PRKCA: variants seen among roughly 807,000 people sequenced by gnomAD.
The protein encoded by PRKCA is protein kinase C alpha, also known as protein kinase C alpha type.
PRKCA carries 27 observed loss-of-function variants against 87.0 expected under a neutral mutation model. The observed-to-expected ratio is 0.31, with a 90% CI of 0.23 to 0.43. The LOEUF (loss-of-function observed/expected upper bound fraction) is 0.43, where lower values mean the gene tolerates loss of function less well. Among genes scored for constraint, PRKCA ranks in the 20% least tolerant of loss-of-function variants. The pLI, the probability that PRKCA is intolerant of heterozygous loss-of-function variation, is 1.00. For missense variants in PRKCA, 518 were observed against 852.3 expected, an observed-to-expected ratio of 0.61 and a Z score of 4.88; for synonymous variants, 329 against 311.1, an observed-to-expected ratio of 1.06 and a Z score of -0.61.
At chr17:66,476,907 A>G (rs1253209712) in intron 2 of PRKCA, among the ~76,000 whole-genome samples, 1 of 152,218 alleles carries the variant, frequency 6.6e-6, no homozygotes, top group African/African-American at 2.4e-5. Flanking sequence ...TCTCAGAGCT[A>G]GGCTGAAGCT....
chr17:66,373,696 T>C (rs141185703), intron 2 of PRKCA, among the ~76,000 whole-genome samples: 3 of 152,328 alleles, frequency 2.0e-5, no homozygotes, highest in Admixed American at 2.0e-4. Flanking sequence ...GGGATTTACA[T>C]AGGGACAATC....
intron 8 of PRKCA, among the ~76,000 whole-genome samples, chr17:66,690,604 AG>A (rs1972752900): frequency 6.6e-6 from 1 of 152,130 alleles, no homozygotes; most frequent in African/African-American, 2.4e-5. Context: ...AGGATGAGGC[AG>A]GCAGATCACT....
intron 3 of PRKCA, among the ~76,000 whole-genome samples, chr17:66,497,606 TA>T (rs533819945): frequency 5.9e-5 from 9 of 152,112 alleles, no homozygotes; most frequent in Admixed American, 3.9e-4. Flanking sequence ...TTTAACTGAA[TA>T]AAAAAAATTG....
intron 3 of PRKCA, among the ~76,000 whole-genome samples, chr17:66,552,386 C>G (rs1185575526): frequency 6.6e-6 from 1 of 152,200 alleles, no homozygotes; most frequent in African/African-American, 2.4e-5. Context: ...CATTTATTTT[C>G]TCGCAGTTTC....
intron 8 of PRKCA, among the ~76,000 whole-genome samples, chr17:66,732,134 A>G (rs117951612): frequency 0.031 from 4,690 of 151,466 alleles, 96 homozygotes; most frequent in Non-Finnish European, 0.049. Context: ...AAAATCAAAA[A>G]AAAAAAAACA....
At chr17:66,512,792 G>A (rs557384808) in intron 3 of PRKCA, among the ~76,000 whole-genome samples, 12 of 152,098 alleles carry the variant, frequency 7.9e-5, no homozygotes, top group Admixed American at 7.2e-4. Flanking sequence ...TCCCAGGTTC[G>A]AGCAATTCTC....
chr17:66,777,049 T>G (rs1295304329), intron 14 of PRKCA: 4 of 196,694 alleles, frequency 2.0e-5, no homozygotes, highest in Non-Finnish European at 3.7e-5. Flanking sequence ...GTGTTTCCCT[T>G]TATTGGGAGA....
chr17:66,315,509 T>C lies in PRKCA; in HGVS notation c.205+9382T>C, dbSNP rs1296373882. On this transcript the variant is annotated intron_variant, in intron 2 of 16. Coordinates refer to ENST00000413366, the MANE Select transcript of PRKCA (RefSeq NM_002737.3). ...TTTTTTTTTTTTCTGAGACGGAGTCTTGCTGTGTTGCCCAGGCTGGAGTGC... is the reference window on the plus strand; with the variant it reads ...TTTTTTTTTTTTCTGAGACGGAGTCCTGCTGTGTTGCCCAGGCTGGAGTGC... Among the ~76,000 whole-genome samples, 3 of 151,598 alleles carry C rather than the reference T, an allele frequency of 2.0e-5. No individual in the cohort carries two copies. The East Asian group carries it at 5.8e-4, about 29-fold the overall frequency.
In PRKCA at chr17:66,804,926, C is replaced by G. The variant is rs568930861; in HGVS notation, c.*889C>G. 5.4e-6 allele frequency: 5 copies of G among 923,996 alleles called. No homozygotes were observed. In the South Asian group the frequency reaches 2.0e-4, roughly 37 times the overall value. The allele number at this position is 923,996 out of a possible 1,614,324, so 57.2% of individuals were successfully genotyped here. The stretch of plus-strand genomic sequence containing the variant: ...TCACCAACACCCACCCCCACACACA[C>G]CAACATTTTGCTGCCTACCTTGTTA... On this transcript the variant is annotated 3_prime_UTR_variant, in exon 17 of 17. Transcript: ENST00000413366.
At chr17:66,428,723 C>T (rs554582575) in intron 2 of PRKCA, among the ~76,000 whole-genome samples, 1 of 152,136 alleles carries the variant, frequency 6.6e-6, no homozygotes, top group East Asian at 1.9e-4. Flanking sequence ...AGGCTGGTCT[C>T]GAACTCCTGA....
At chr17:66,708,098 T>C (rs1973232805) in intron 8 of PRKCA, among the ~76,000 whole-genome samples, 1 of 152,238 alleles carries the variant, frequency 6.6e-6, no homozygotes, top group Admixed American at 6.5e-5. Flanking sequence ...CCATTAGGAC[T>C]GTCGCCATGA....
In PRKCA at chr17:66,636,751, T is replaced by C. The variant is rs1219028154; in HGVS notation, c.289-4604T>C. Among the ~76,000 whole-genome samples the C allele has an allele frequency of 2.6e-5, 4 of 152,244 alleles. 1 individual carries two copies. The South Asian group carries it at 6.2e-4, about 24-fold the overall frequency. Reference sequence around the variant, plus strand: ...TAAGCTGGGTGTCACCCCTTGCCCATGACACGGGCAGATTGGTTTTATTTC... The same window carrying C: ...TAAGCTGGGTGTCACCCCTTGCCCACGACACGGGCAGATTGGTTTTATTTC... On this transcript the variant is annotated intron_variant, in intron 3 of 16. Transcript: ENST00000413366.
Position 66,578,143 on chromosome 17 carries a change from AAC to A in PRKCA, c.289-63210_289-63209del, listed in dbSNP as rs1411974912. On this transcript the variant is annotated intron_variant, in intron 3 of 16. Transcript: ENST00000413366. ...TAACGAGAGACTGAATTTAAAACAA[AAC>A]AAAACAAAACAAAACAGCCCTCATT... Among the ~76,000 whole-genome samples, 769 of 151,194 alleles carry A rather than the reference AAC, an allele frequency of 5.1e-3. 9 individuals are homozygous for A. Among genetic ancestry groups the A allele is most frequent in the African/African-American group, 0.017 (694 of 41,354 alleles).
At chr17:66,545,155 G>A (rs569331911) in intron 3 of PRKCA, among the ~76,000 whole-genome samples, 7 of 152,298 alleles carry the variant, frequency 4.6e-5, no homozygotes, top group South Asian at 4.1e-4. Context: ...TAGGCTGGGC[G>A]CAGTGAATCA....
chr17:66,616,697 A>G (rs1392208328), intron 3 of PRKCA, among the ~76,000 whole-genome samples: 2 of 152,158 alleles, frequency 1.3e-5, no homozygotes, highest in East Asian at 3.9e-4. Flanking sequence ...AGTGAGACAG[A>G]TTTGCTCTCA....
chr17:66,498,446 A>C (rs1238211265), intron 3 of PRKCA, among the ~76,000 whole-genome samples: 2 of 152,000 alleles, frequency 1.3e-5, no homozygotes, highest in African/African-American at 4.8e-5. Flanking sequence ...TCAGGATGTG[A>C]GTAGTTTGTC....
At chr17:66,399,311 G>A (rs1326198972) in intron 2 of PRKCA, among the ~76,000 whole-genome samples, 6 of 151,872 alleles carry the variant, frequency 4.0e-5, no homozygotes, top group Admixed American at 2.0e-4. Context: ...GAACTCCTGA[G>A]CTCAAGTGAT....
At chr17:66,668,396 G>A (rs545671851) in intron 5 of PRKCA, among the ~76,000 whole-genome samples, 10 of 152,170 alleles carry the variant, frequency 6.6e-5, no homozygotes, top group African/African-American at 1.9e-4. Flanking sequence ...AACTTTAAAC[G>A]GACTTCACAG....
intron 8 of PRKCA, among the ~76,000 whole-genome samples, chr17:66,690,411 C>T (rs966141544): frequency 1.3e-5 from 2 of 152,156 alleles, no homozygotes; most frequent in Non-Finnish European, 2.9e-5. Context: ...CTGCCCCACT[C>T]GATGTTTCTC....
Sources: gnomAD v4.1 joint callset for allele counts (sites outside exome capture counted in the v4.1 genomes callset) on GRCh38, gnomAD v4.1.1 for gene constraint, MANE v1.5 for transcripts, NCBI Gene and HGNC (gene_info 2026-07-23, HGNC 2026-07-21) for gene names.